Variants in NANS observed in about 807,000 individuals in gnomAD.
NANS encodes the protein N-acetylneuraminate-9-phosphate synthase.
NANS carries 29 observed loss-of-function variants against 33.3 expected under a neutral mutation model. The observed-to-expected ratio is 0.87, with a 90% confidence interval of 0.65 to 1.19. NANS has a LOEUF of 1.19. NANS is among the 50% of genes most tolerant of loss of function. The probability of loss-of-function intolerance (pLI) is 0.00; values close to 1 mark genes in which losing one functional copy is unlikely to be tolerated. For synonymous variants in NANS, 163 were observed against 177.2 expected (o/e 0.92, Z 0.64); for missense variants, 394 against 461.1 (o/e 0.85, Z 1.33).
At chr9:98,081,745 G>A (rs1307588768) in intron 5 of NANS, 1 of 152,276 alleles carries the variant, frequency 6.6e-6, no homozygotes, top group African/African-American at 2.4e-5. Context: ...CACCTAACCT[G>A]TAGGCTGTCG....
chr9:98,079,697 T>C (rs141235030), intron 4 of NANS, among the ~76,000 whole-genome samples: 13 of 152,332 alleles, frequency 8.5e-5, no homozygotes, highest in Non-Finnish European at 1.6e-4. Context: ...TGACCCCAGC[T>C]ATTTTCCTTT....
At chr9:98,058,175 C>T (rs947862267) in intron 1 of NANS, among the ~76,000 whole-genome samples, 4 of 152,148 alleles carry the variant, frequency 2.6e-5, no homozygotes, top group East Asian at 1.9e-4. Context: ...CCTTGGCCTC[C>T]GAAAGTGCTG....
In NANS at chr9:98,066,181, A is replaced by G. The variant is rs143398035; in HGVS notation, c.348+5184A>G. On this transcript the variant is annotated intron_variant, in intron 2 of 5. Coordinates refer to ENST00000210444, the MANE Select transcript of NANS (RefSeq NM_018946.4). ...ATGTGTGCATTTCATTGCAGTGACAATTAAAAACAATAATAACCAATCAGA... is the reference window on the plus strand; with the variant it reads ...ATGTGTGCATTTCATTGCAGTGACAGTTAAAAACAATAATAACCAATCAGA... Among the ~76,000 whole-genome samples, 652 of 152,330 alleles carry G rather than the reference A, an allele frequency of 4.3e-3. 8 individuals are homozygous for G. Among genetic ancestry groups the G allele is most frequent in the African/African-American group, 0.014 (581 of 41,590 alleles).
At chr9:98,064,111 A>C (rs1008717989) in intron 2 of NANS, among the ~76,000 whole-genome samples, 1 of 152,214 alleles carries the variant, frequency 6.6e-6, no homozygotes, top group Non-Finnish European at 1.5e-5. Flanking sequence ...TGGTTTAAAA[A>C]AGGAGGAAGG....
intron 2 of NANS, chr9:98,069,667 C>T (rs550794141): frequency 1.3e-5 from 2 of 152,332 alleles, no homozygotes; most frequent in Admixed American, 6.5e-5. Context: ...ACATACTGTA[C>T]GATTCTGCTT....
At chr9:98,069,125 A>G (rs1829236238) in intron 2 of NANS, 1 of 152,212 alleles carries the variant, frequency 6.6e-6, no homozygotes, top group Admixed American at 6.5e-5. Flanking sequence ...ACATTCATAC[A>G]AAAACCTGTA....
intron 2 of NANS, chr9:98,075,588 G>A (rs1829556631): frequency 6.6e-6 from 1 of 152,070 alleles, no homozygotes; most frequent in African/African-American, 2.4e-5. Context: ...CTGGGAGAGG[G>A]AAAGATTTGT....
intron 1 of NANS, among the ~76,000 whole-genome samples, chr9:98,059,201 T>A (rs952912439): frequency 6.6e-6 from 1 of 151,990 alleles, no homozygotes; most frequent in Non-Finnish European, 1.5e-5. Context: ...TTTTTTGTAT[T>A]TTTAGTAGAG....
intron 2 of NANS, among the ~76,000 whole-genome samples, chr9:98,067,255 T>C (rs1829175236): frequency 6.6e-6 from 1 of 152,246 alleles, no homozygotes; most frequent in South Asian, 2.1e-4. Context: ...TGTTCATTTC[T>C]CTTCGGTATT....
chr9:98,066,942 C>T (rs910092925), intron 2 of NANS, among the ~76,000 whole-genome samples: 1 of 152,200 alleles, frequency 6.6e-6, no homozygotes, highest in African/African-American at 2.4e-5. Context: ...TGAGCCACTG[C>T]GTCCAGCCTC....
chr9:98,066,555 C>T (rs1351887901), intron 2 of NANS, among the ~76,000 whole-genome samples: 2 of 152,108 alleles, frequency 1.3e-5, no homozygotes, highest in Admixed American at 6.6e-5. Context: ...AATACAATTA[C>T]CGTTAGAACA....
At chr9:98,057,923 T>G (rs1415269828) in intron 1 of NANS, among the ~76,000 whole-genome samples, 5 of 29,624 alleles carry the variant, frequency 1.7e-4, no homozygotes, top group South Asian at 1.8e-3. Context: ...TTTTTCCTGG[T>G]TTTTTTTTTT....
At chr9:98,060,037 A>G (rs1828931986) in intron 1 of NANS, among the ~76,000 whole-genome samples, 1 of 152,198 alleles carries the variant, frequency 6.6e-6, no homozygotes, top group South Asian at 2.1e-4. Context: ...GGAGAAACTG[A>G]GTCCAGAGCT....
chr9:98,079,310 AAACTAT>A (rs1306935487), intron 4 of NANS, among the ~76,000 whole-genome samples: 1 of 152,198 alleles, frequency 6.6e-6, no homozygotes, highest in Non-Finnish European at 1.5e-5. Flanking sequence ...ATTATCATTA[AAACTAT>A]TATAGTAACA....
At chr9:98,080,694 C>A in intron 4 of NANS, 122 bp from the exon 5 acceptor site, 1 of 1,097,958 alleles carries the variant, frequency 9.1e-7, no homozygotes, top group Non-Finnish European at 1.3e-6. Context: ...GCCTCAGTAT[C>A]TTGCCCCTGG....
At chr9:98,064,931 A>AT (rs948191746) in intron 2 of NANS, among the ~76,000 whole-genome samples, 58 of 150,502 alleles carry the variant, frequency 3.9e-4, no homozygotes, top group Non-Finnish European at 7.4e-4. Flanking sequence ...GTGGGGACAG[A>AT]TTTTTTTTTT....
At chr9:98,078,745 G>T (rs1004367864) in intron 4 of NANS, among the ~76,000 whole-genome samples, 3 of 149,398 alleles carry the variant, frequency 2.0e-5, no homozygotes, top group Non-Finnish European at 4.4e-5. Context: ...TGAGGCAGGA[G>T]AATCGCTTGA....
At chr9:98,077,141 T>A in intron 3 of NANS, 124 bp downstream of exon 3, 3 of 709,938 alleles carry the variant, frequency 4.2e-6, no homozygotes, top group East Asian at 5.5e-5. Context: ...TTCATTTTTT[T>A]AAATAGAGAT....
intron 2 of NANS, among the ~76,000 whole-genome samples, chr9:98,070,046 C>A (rs971019111): frequency 2.0e-5 from 3 of 152,272 alleles, no homozygotes; most frequent in African/African-American, 7.2e-5. Flanking sequence ...TGTGTTCTTT[C>A]TTACAGTTGC....
Sources: gnomAD v4.1 joint callset for allele counts (sites outside exome capture counted in the v4.1 genomes callset) on GRCh38, gnomAD v4.1.1 for gene constraint, MANE v1.5 for transcripts, NCBI Gene and HGNC (gene_info 2026-07-23, HGNC 2026-07-21) for gene names.